Variants in GNL3 observed in about 807,000 individuals in gnomAD.
GNL3 encodes the protein G protein nucleolar 3.
In GNL3, 77 loss-of-function variants were observed where a neutral mutation model predicts 70.6. That is an observed-to-expected ratio of 1.09 (90% CI 0.91 to 1.32). GNL3 has a LOEUF of 1.32. Among genes scored for constraint, GNL3 ranks in the 40% most tolerant of loss-of-function variants. The pLI is 0.00. For synonymous variants in GNL3, 252 were observed against 216.1 expected (o/e 1.17, Z -1.46); for missense variants, 634 against 644.0 (o/e 0.98, Z 0.17).
chr3:52,692,689 T>G, intron 9 of GNL3, 183 bp from the exon 10 acceptor site: 1 of 755,824 alleles, frequency 1.3e-6, no homozygotes, highest in Non-Finnish European at 2.4e-6. Context: ...CTATAACATG[T>G]AGTGTTCTCT....
chr3:52,689,038 T>C lies in GNL3; in HGVS notation c.409-36T>C, dbSNP rs1207250677. ...GGATGTAGTTCTGATCATTTTCTCC[T>C]TGATAATGTAGTTCTGGTCATTTTT... is the stretch of plus-strand genomic sequence containing the variant. On this transcript the variant is annotated intron_variant, in intron 5 of 14. Coordinates refer to ENST00000418458, the MANE Select transcript of GNL3 (RefSeq NM_014366.5). 4 of 1,586,602 alleles carry C rather than the reference T, an allele frequency of 2.5e-6. No individual in the cohort carries two copies. The African/African-American group carries it at 4.0e-5, about 16-fold the overall frequency.
chr3:52,689,260 AAC>A (rs747440107), intron 6 of GNL3, 54 bp downstream of exon 6: 3 of 1,497,962 alleles, frequency 2.0e-6, no homozygotes, highest in Non-Finnish European at 2.8e-6. Context: ...GGTACGAGGA[AAC>A]AGTCTGATAG....
rs577406395 is a variant in GNL3, at chr3:52,686,427, TGA to T, written c.13+326_13+327del. ...GTGGCCACGTGCAGACTGGCCCAGG[TGA>T]GAGCTGAGAATCGCCTCCCAGACTC... On this transcript the variant is annotated intron_variant, in intron 1 of 14. Coordinates refer to ENST00000418458, the MANE Select transcript of GNL3 (RefSeq NM_014366.5). The T allele has an allele frequency of 3.3e-3, 1,867 of 574,082 alleles. 15 individuals are homozygous for T. The highest frequency in any genetic ancestry group is 4.9e-3 in the Non-Finnish European group (1,589 of 322,840). The allele number at this position is 574,082 out of a possible 1,614,324, so 35.6% of individuals were successfully genotyped here. A position where few individuals can be genotyped will look rare whatever the true frequency, so the allele number is the denominator to read the frequency against.
Position 52,693,434 on chromosome 3 carries a change from C to A in GNL3, c.1214C>A (p.Pro405His). 1 of 1,613,866 alleles carries A rather than the reference C, an allele frequency of 6.2e-7. No homozygotes were observed. The highest frequency in any genetic ancestry group is 1.1e-5 in the South Asian group (1 of 91,082). Reference sequence around the variant, plus strand: ...GCCTCATTAGCTTACTATTGCCATCCCCCTACATCTTGGACTCCTCCTCCA... The same window carrying A: ...GCCTCATTAGCTTACTATTGCCATCACCCTACATCTTGGACTCCTCCTCCA... ...TGASLAYYCHPPTSWTPPPYF... is the reference protein window; with the variant it reads ...TGASLAYYCHHPTSWTPPPYF... Residue 405 changes from proline (P) to histidine (H), a missense_variant, in exon 12 of 15, where the codon CCC becomes CAC. By Grantham distance (77) the Pro-to-His change is moderately conservative. Coordinates refer to ENST00000418458, the MANE Select transcript of GNL3 (RefSeq NM_014366.5).
chr3:52,688,250 A>ATT, intron 5 of GNL3, 58 bp downstream of exon 5: 2 of 879,042 alleles, frequency 2.3e-6, no homozygotes, highest in South Asian at 1.4e-5. Flanking sequence ...GACTCAAGTC[A>ATT]TTTTTTTTTT....
rs760128901 is a variant in GNL3 at position 52,690,701 on chromosome 3, C to T, written c.651C>T (p.Thr217=). 6.6e-7 allele frequency: 1 copy of T among 1,521,288 alleles called. No homozygotes were observed. 94.2% of individuals were successfully genotyped at this position (1,521,288 alleles called of 1,614,324 possible). A position where few individuals can be genotyped will look rare whatever the true frequency, so the allele number is the denominator to read the frequency against. ...STKPKDKGKI[T]KRVKAKKNAA... is the part of the protein sequence containing the mutation. ...AACCAAAGGATAAAGGGAAGATAAC[C>T]AAGGTATCCTTTATTAGTGGTAAGA... The change falls in exon 7 of 15, where the codon ACC becomes ACT. Residue 217 remains threonine, a synonymous_variant. Coordinates refer to ENST00000418458, the MANE Select transcript of GNL3 (RefSeq NM_014366.5).
rs762157143 is a variant in GNL3 at position 52,687,393 on chromosome 3, G to T, written c.210+10G>T. The stretch of plus-strand genomic sequence containing the variant: ...GCTAAGGAAACAGAGGGTAAGTTAT[G>T]TTAGCCAGAATTTTCATTGAGTGGT... On this transcript the variant is annotated intron_variant, in intron 3 of 14. Coordinates refer to ENST00000418458, the MANE Select transcript of GNL3 (RefSeq NM_014366.5). 2 of 1,613,032 alleles carry T rather than the reference G, an allele frequency of 1.2e-6. No individual in the cohort carries two copies. The highest frequency in any genetic ancestry group is 2.2e-5 in the East Asian group (1 of 44,868).
At chr3:52,693,970 A>ATAAC (rs1294265645) in intron 13 of GNL3, 67 bp from the exon 14 acceptor site, 2 of 1,424,102 alleles carry the variant, frequency 1.4e-6, no homozygotes, top group Non-Finnish European at 9.9e-7. Flanking sequence ...TTTCAGGTAC[A>ATAAC]TAACTACTTG....
intron 9 of GNL3, 73 bp downstream of exon 9, chr3:52,691,702 A>ATT (rs34449110): frequency 6.4e-3 from 3,550 of 555,956 alleles, no homozygotes; most frequent in South Asian, 0.012. Context: ...AAGGAAGGTG[A>ATT]TTTTTTTTTT....
rs1283907925 is a variant in GNL3 at position 52,687,261 on chromosome 3, C to A, written c.88C>A (p.Arg30=). 3 of 1,612,078 alleles carry A rather than the reference C, an allele frequency of 1.9e-6. No individual in the cohort carries two copies. The highest frequency in any genetic ancestry group is 2.5e-6 in the Non-Finnish European group (3 of 1,178,482). Reference sequence around the variant, plus strand: ...ATTTTAATAGGTTCGAGAACATCATCGAAAATTAAGAAAGGAGGCTAAAAA... The same window carrying A: ...ATTTTAATAGGTTCGAGAACATCATAGAAAATTAAGAAAGGAGGCTAAAAA... ...KIQKKVREHH[R]KLRKEAKKRG... is the part of the protein sequence containing the mutation. The change falls in exon 3 of 15, where the codon CGA becomes AGA. Residue 30 remains arginine, a synonymous_variant. Transcript: ENST00000418458.
Position 52,691,086 on chromosome 3 carries a change from ATTACTTT to A in GNL3, c.781+26_781+32del, listed in dbSNP as rs764341965. Reference sequence around the variant, plus strand: ...TGGAGTAATTGGTGAGTTTCAGTTCATTACTTTTTACTTTTTAAGTGTTGAAATAGTT... The same window carrying A: ...TGGAGTAATTGGTGAGTTTCAGTTCATTACTTTTTAAGTGTTGAAATAGTT... On this transcript the variant is annotated intron_variant, in intron 8 of 14. Transcript: ENST00000418458. 8.1e-6 allele frequency: 13 copies of A among 1,611,336 alleles called. No homozygotes were observed. In the African/African-American group the frequency reaches 1.3e-4, roughly 17 times the overall value.
intron 4 of GNL3, 78 bp downstream of exon 4, chr3:52,687,693 C>A: frequency 1.2e-6 from 1 of 809,962 alleles, no homozygotes; most frequent in South Asian, 1.6e-5. Flanking sequence ...AGTGCAGTGG[C>A]ACAATCACAA....
rs2097319345 is a variant in GNL3, at chr3:52,687,292, G to C, written c.119G>C (p.Gly40Ala). The C allele has an allele frequency of 6.2e-7, 1 of 1,613,126 alleles. No individual in the cohort carries two copies. The highest frequency in any genetic ancestry group is 1.3e-5 in the African/African-American group (1 of 75,046). ...TTAAGAAAGGAGGCTAAAAAGCGGG[G>C]TCACAAGAAGCCTAGGAAAGACCCA... ...RKLRKEAKKR[G>A]HKKPRKDPGV... Residue 40 changes from glycine (G) to alanine (A), a missense_variant, in exon 3 of 15, where the codon GGT becomes GCT. Transcript: ENST00000418458.
Position 52,693,091 on chromosome 3 carries a change from C to T in GNL3, c.1044+45C>T, listed in dbSNP as rs749362001. 5.6e-6 allele frequency: 9 copies of T among 1,602,978 alleles called. No individual in the cohort carries two copies. The East Asian group carries it at 8.9e-5, about 16-fold the overall frequency. On this transcript the variant is annotated intron_variant, in intron 10 of 14. Transcript: ENST00000418458. ...TGAGCTCCTTGGAGCCATCTTCTTT[C>T]ATCATAAGCATTTTGAGTAGAAAAA...
chr3:52,689,842 C>T (rs778353757), intron 6 of GNL3, among the ~76,000 whole-genome samples: 1 of 152,130 alleles, frequency 6.6e-6, no homozygotes, highest in Non-Finnish European at 1.5e-5. Context: ...GTCCCAGCTA[C>T]TCGGAAGGCT....
Position 52,693,469 on chromosome 3 carries a change from G to A in GNL3, c.1249G>A (p.Glu417Lys). The A allele has an allele frequency of 1.2e-6, 2 of 1,614,016 alleles. No individual in the cohort carries two copies. Among genetic ancestry groups the A allele is most frequent in the Admixed American group, 1.7e-5 (1 of 60,020 alleles). ...TTGGACTCCTCCTCCATATTTTAAT[G>A]AGAGTATTGTGGTAGACATGAAAAG... ...TSWTPPPYFN[E>K]SIVVDMKSGF... The change falls in exon 12 of 15, where the codon GAG (glutamate) becomes AAG (lysine). Residue 417 changes from glutamate (E) to lysine (K), a missense_variant. Transcript: ENST00000418458.
At chr3:52,692,562 C>T (rs2097328313) in intron 9 of GNL3, among the ~76,000 whole-genome samples, 1 of 151,948 alleles carries the variant, frequency 6.6e-6, no homozygotes, top group Non-Finnish European at 1.5e-5. Flanking sequence ...GGTGATCCAC[C>T]CACCTCGGCC....
Position 52,693,132 on chromosome 3 carries a change from A to T in GNL3, c.1045-55A>T, listed in dbSNP as rs575243600. On this transcript the variant is annotated intron_variant, in intron 10 of 14. Coordinates refer to ENST00000418458, the MANE Select transcript of GNL3 (RefSeq NM_014366.5). ...AGTAGAAAAATCTTGGAAGTGTTTT[A>T]AAGTACTGGCATGTCAGATGAAGGA... 6 of 1,599,420 alleles carry T rather than the reference A, an allele frequency of 3.8e-6. No individual in the cohort carries two copies. In the South Asian group the frequency reaches 6.7e-5, roughly 18 times the overall value.
chr3:52,689,080 G>T lies in GNL3; in HGVS notation c.415G>T (p.Glu139Ter), dbSNP rs752867541. Residue 139 changes from glutamate to a stop codon, truncating the protein, a stop_gained, in exon 6 of 15, where the codon GAA becomes TAA. Transcript: ENST00000418458. LOFTEE classifies it high-confidence loss of function. ...LYCQELKKVI[E>*]ASDVVLEVLD... ...GTCATTTTTTCCTTGATAGGTGATT[G>T]AAGCCTCCGATGTTGTCCTAGAGGT... The T allele has an allele frequency of 6.2e-7, 1 of 1,613,380 alleles. No individual in the cohort carries two copies. Among genetic ancestry groups the T allele is most frequent in the East Asian group, 2.2e-5 (1 of 44,874 alleles).
Sources: allele counts gnomAD v4.1 joint callset (sites outside exome capture counted in the v4.1 genomes callset), GRCh38; gene constraint gnomAD v4.1.1; transcripts MANE v1.5; gene names NCBI Gene and HGNC (gene_info 2026-07-23, HGNC 2026-07-21).